BAZ2B: variants seen among roughly 807,000 people sequenced by gnomAD.
BAZ2B encodes the protein bromodomain adjacent to zinc finger domain 2B.
BAZ2B carries 91 observed loss-of-function variants against 246.0 expected under a neutral mutation model. That is an observed-to-expected ratio of 0.37 (90% CI 0.31 to 0.44). The LOEUF (loss-of-function observed/expected upper bound fraction) is 0.44, where lower values mean the gene tolerates loss of function less well. Among genes scored for constraint, BAZ2B ranks in the 20% least tolerant of loss-of-function variants. The pLI, the probability that BAZ2B is intolerant of heterozygous loss-of-function variation, is 1.00. For synonymous variants in BAZ2B, 855 were observed against 860.0 expected (o/e 0.99, Z 0.10); for missense variants, 2,332 against 2,533.7 (o/e 0.92, Z 1.71).
At chr2:159,517,504 T>C (rs1450474795) in intron 2 of BAZ2B, among the ~76,000 whole-genome samples, 1 of 152,108 alleles carries the variant, frequency 6.6e-6, no homozygotes, top group Non-Finnish European at 1.5e-5. Flanking sequence ...TAAAATTCTA[T>C]ATTTACTAAG....
At chr2:159,450,514 T>C (rs111576395) in intron 4 of BAZ2B, among the ~76,000 whole-genome samples, 3 of 152,238 alleles carry the variant, frequency 2.0e-5, no homozygotes, top group Non-Finnish European at 4.4e-5. Context: ...ATGTGAATGG[T>C]AGAGCTTCTG....
At position 159,440,514 on chromosome 2, in the gene BAZ2B, C is replaced by CTGT. The variant is rs1234904617; in HGVS notation, c.697-1303_697-1302insACA. ...CCATTATATTCCGTTTGCAATGACT[C>CTGT]TTGTTTTTTTTTTTTTTTTTCGGGG... On this transcript the variant is annotated intron_variant, in intron 6 of 36. Coordinates refer to ENST00000392783, the MANE Select transcript of BAZ2B (RefSeq NM_013450.4). Among the ~76,000 whole-genome samples the CTGT allele has an allele frequency of 3.4e-3, 206 of 61,428 alleles. 4 individuals are homozygous for CTGT. Among genetic ancestry groups the CTGT allele is most frequent in the African/African-American group, 6.3e-3 (176 of 28,118 alleles). The allele number at this position is 61,428 out of a possible 152,430, so 40.3% of individuals were successfully genotyped here.
At chr2:159,339,455 A>T (rs1213952759) in intron 31 of BAZ2B, among the ~76,000 whole-genome samples, 1 of 152,178 alleles carries the variant, frequency 6.6e-6, no homozygotes, top group Non-Finnish European at 1.5e-5. Flanking sequence ...TCTACACTGA[A>T]AAAAGTGAGA....
chr2:159,548,987 C>T (rs10489997), intron 2 of BAZ2B, among the ~76,000 whole-genome samples: 48,413 of 152,016 alleles, frequency 0.32, 9,668 homozygotes, highest in Admixed American at 0.44. Context: ...ATTTCAACAA[C>T]GTTAAACTAA....
intron 2 of BAZ2B, among the ~76,000 whole-genome samples, chr2:159,523,309 G>C (rs2084346980): frequency 6.6e-6 from 1 of 152,130 alleles, no homozygotes; most frequent in African/African-American, 2.4e-5. Context: ...CATTCAGGTG[G>C]GAAGATCACT....
chr2:159,318,000 T>C (rs58525880), downstream of BAZ2B, among the ~76,000 whole-genome samples: 66,433 of 152,060 alleles, frequency 0.44, 15,361 homozygotes, highest in Non-Finnish European at 0.53. Context: ...ACCAAGCCTT[T>C]CTTTTTTTCC....
At chr2:159,452,186 A>AAT (rs143052814) in intron 4 of BAZ2B, among the ~76,000 whole-genome samples, 11,013 of 152,286 alleles carry the variant, frequency 0.072, 551 homozygotes, top group South Asian at 0.14. Flanking sequence ...ATATGACTCA[A>AAT]GAAACAGTAC....
chr2:159,345,283 G>A (rs950364177), intron 31 of BAZ2B, among the ~76,000 whole-genome samples: 1 of 151,526 alleles, frequency 6.6e-6, no homozygotes, highest in African/African-American at 2.4e-5. Flanking sequence ...ACCACTGTAC[G>A]ATGACTATAG....
At chr2:159,512,668 A>G (rs2083051165) in intron 2 of BAZ2B, among the ~76,000 whole-genome samples, 1 of 152,226 alleles carries the variant, frequency 6.6e-6, no homozygotes, top group African/African-American at 2.4e-5. Flanking sequence ...TCCCAAGGTC[A>G]CAGTATAGTA....
the BAZ2B span, among the ~76,000 whole-genome samples, chr2:159,691,907 G>A: frequency 6.6e-6 from 1 of 152,208 alleles, no homozygotes; most frequent in East Asian, 1.9e-4. Flanking sequence ...GGAAGCAGCT[G>A]CAAAATTACT....
intron 1 of BAZ2B, among the ~76,000 whole-genome samples, chr2:159,612,759 T>C (rs1248427573): frequency 6.6e-6 from 1 of 152,100 alleles, no homozygotes; most frequent in Non-Finnish European, 1.5e-5. Context: ...CTCCATGAAA[T>C]CAACCAGCTG....
chr2:159,441,181 G>C (rs1203411470), intron 6 of BAZ2B, among the ~76,000 whole-genome samples: 1 of 152,106 alleles, frequency 6.6e-6, no homozygotes, highest in Non-Finnish European at 1.5e-5. Context: ...GGATAACAAA[G>C]AAAAGAAATA....
intron 1 of BAZ2B, chr2:159,615,816 GGC>G (rs1559913752): frequency 6.6e-6 from 1 of 152,458 alleles, no homozygotes; most frequent in African/African-American, 2.4e-5. Context: ...GCGAAGCCAG[GGC>G]GGCCGGCACA....
chr2:159,331,672 C>A (rs903409880), intron 34 of BAZ2B, among the ~76,000 whole-genome samples: 4 of 152,308 alleles, frequency 2.6e-5, no homozygotes, highest in African/African-American at 9.6e-5. Context: ...CCAACATACC[C>A]AGGCCTTAAA....
chr2:159,607,475 C>G (rs139683176), intron 1 of BAZ2B, among the ~76,000 whole-genome samples: 1 of 152,068 alleles, frequency 6.6e-6, no homozygotes, highest in Non-Finnish European at 1.5e-5. Context: ...AGTTTTAACC[C>G]GGCCTTCACA....
chr2:159,381,976 A>G (rs919163707), intron 25 of BAZ2B, among the ~76,000 whole-genome samples: 3 of 152,308 alleles, frequency 2.0e-5, no homozygotes, highest in Admixed American at 6.5e-5. Flanking sequence ...TTTATTACTC[A>G]GAAAGTCTAA....
the BAZ2B span, among the ~76,000 whole-genome samples, chr2:159,663,855 C>CTTTTTTT: frequency 5.5e-4 from 51 of 92,480 alleles, no homozygotes; most frequent in East Asian, 1.9e-3. Flanking sequence ...AAACCATTTT[C>CTTTTTTT]TTTTTTTTTT....
the BAZ2B span, among the ~76,000 whole-genome samples, chr2:159,627,041 T>C: frequency 6.6e-6 from 1 of 152,214 alleles, no homozygotes; most frequent in South Asian, 2.1e-4. Context: ...TATAAACACC[T>C]CTACGCAAAT....
intron 2 of BAZ2B, among the ~76,000 whole-genome samples, chr2:159,547,819 T>C (rs749895464): frequency 6.6e-6 from 1 of 152,216 alleles, no homozygotes; most frequent in Non-Finnish European, 1.5e-5. Context: ...GTAGCTCATT[T>C]AGAATTTTCT....
Sources: gnomAD v4.1 joint callset for allele counts (sites outside exome capture counted in the v4.1 genomes callset) on GRCh38, gnomAD v4.1.1 for gene constraint, MANE v1.5 for transcripts, NCBI Gene and HGNC (gene_info 2026-07-23, HGNC 2026-07-21) for gene names.